PDE7A: variants seen among roughly 807,000 people sequenced by gnomAD.
PDE7A encodes the protein high affinity 3',5'-cyclic-AMP phosphodiesterase 7A.
In PDE7A, 39 loss-of-function variants were observed where a neutral mutation model predicts 64.3. That is an observed-to-expected ratio of 0.61 (90% confidence interval 0.47 to 0.79). The LOEUF is 0.79. PDE7A is among the 30% of genes least tolerant of loss of function. The pLI, the probability that PDE7A is intolerant of heterozygous loss-of-function variation, is 0.00. For missense variants in PDE7A, 470 were observed against 582.8 expected, an observed-to-expected ratio of 0.81 and a Z score of 1.99; for synonymous variants, 203 against 206.8, an observed-to-expected ratio of 0.98 and a Z score of 0.16.
chr8:65,795,736 C>A (rs558634025), intron 1 of PDE7A, among the ~76,000 whole-genome samples: 1 of 152,096 alleles, frequency 6.6e-6, no homozygotes, highest in East Asian at 1.9e-4. Flanking sequence ...AAACTGCCTA[C>A]CAGAACAGAA....
chr8:65,778,385 A>G (rs1407830271), intron 3 of PDE7A, among the ~76,000 whole-genome samples: 1 of 152,188 alleles, frequency 6.6e-6, no homozygotes, highest in Non-Finnish European at 1.5e-5. Context: ...GCCATCTTGG[A>G]GGTTCCAGCC....
chr8:65,817,229 GCCTC>G (rs1377985333), intron 1 of PDE7A, among the ~76,000 whole-genome samples: 1 of 151,958 alleles, frequency 6.6e-6, no homozygotes, highest in Admixed American at 6.5e-5. Flanking sequence ...TCCTATATAT[GCCTC>G]CCTAATGTCA....
chr8:65,841,468 C>G lies in PDE7A; in HGVS notation c.41G>C (p.Arg14Thr). ...CYQLPVLPLD[R>T]PVPQHVLSRR... The stretch of plus-strand genomic sequence containing the variant: ...GCTGAGGACGTGCTGGGGGACCGGC[C>G]TGTCCAGGGGCAGTACCGGCAGCTG... Residue 14 changes from arginine to threonine, a missense_variant, in exon 1 of 13, where the codon AGG (arginine) becomes ACG (threonine). Physicochemically the swap from Arg to Thr is moderately conservative, Grantham distance 71. Transcript: ENST00000401827. 6.4e-7 allele frequency: 1 copy of G among 1,562,634 alleles called. No individual in the cohort carries two copies. The highest frequency in any genetic ancestry group is 8.6e-7 in the Non-Finnish European group (1 of 1,159,388).
chr8:65,727,826 C>G (rs1413983755), intron 7 of PDE7A: 1 of 152,242 alleles, frequency 6.6e-6, no homozygotes, highest in East Asian at 1.9e-4. Flanking sequence ...TATGTCAAGT[C>G]TGTGATAAAA....
At chr8:65,743,209 A>G (rs139455548) in intron 5 of PDE7A, among the ~76,000 whole-genome samples, 2 of 152,302 alleles carry the variant, frequency 1.3e-5, no homozygotes, top group East Asian at 3.9e-4. Context: ...AATACCTAAA[A>G]TAATATTTGT....
chr8:65,725,002 C>T (rs1175039418), intron 9 of PDE7A, 81 bp from the exon 10 acceptor site: 38 of 864,922 alleles, frequency 4.4e-5, no homozygotes, highest in South Asian at 3.7e-4. Flanking sequence ...CCATAATAAT[C>T]GGAAGGCTTT....
chr8:65,773,891 G>A (rs1809183175), intron 3 of PDE7A, among the ~76,000 whole-genome samples: 1 of 152,158 alleles, frequency 6.6e-6, no homozygotes, highest in Non-Finnish European at 1.5e-5. Context: ...TTCAGTGAAT[G>A]TTAGGGGGTA....
intron 1 of PDE7A, among the ~76,000 whole-genome samples, chr8:65,831,334 A>G (rs1056999395): frequency 5.3e-5 from 8 of 152,294 alleles, no homozygotes; most frequent in African/African-American, 1.9e-4. Flanking sequence ...AGAAGAAAGA[A>G]AAACAAACCT....
chr8:65,819,298 G>A (rs1810483793), intron 1 of PDE7A, among the ~76,000 whole-genome samples: 1 of 152,224 alleles, frequency 6.6e-6, no homozygotes, highest in African/African-American at 2.4e-5. Flanking sequence ...CTCTGAGGCT[G>A]AGGAGGGAGG....
chr8:65,768,273 T>A (rs959716718), intron 3 of PDE7A, among the ~76,000 whole-genome samples: 4 of 152,210 alleles, frequency 2.6e-5, no homozygotes, highest in Non-Finnish European at 5.9e-5. Flanking sequence ...GCCACTAGTA[T>A]AATTCTGATA....
intron 1 of PDE7A, among the ~76,000 whole-genome samples, chr8:65,791,117 T>C (rs1241167968): frequency 1.3e-5 from 2 of 152,232 alleles, no homozygotes; most frequent in Admixed American, 6.5e-5. Context: ...ATGGCTATTT[T>C]TGGTACAATA....
chr8:65,827,880 T>C (rs78779700), intron 1 of PDE7A, among the ~76,000 whole-genome samples: 9,629 of 152,248 alleles, frequency 0.063, 386 homozygotes, highest in Middle Eastern at 0.11. Context: ...GTATCCTCAT[T>C]GTTAAGCGAC....
intron 3 of PDE7A, among the ~76,000 whole-genome samples, chr8:65,765,382 G>A (rs1244453744): frequency 6.1e-5 from 9 of 148,118 alleles, no homozygotes; most frequent in Admixed American, 2.7e-4. Flanking sequence ...CCAGCTACTC[G>A]GGAGGCTGAG....
At chr8:65,733,630 A>C (rs183980659) in intron 7 of PDE7A, among the ~76,000 whole-genome samples, 1 of 152,148 alleles carries the variant, frequency 6.6e-6, no homozygotes, top group Non-Finnish European at 1.5e-5. Context: ...TAGAGAAAAA[A>C]AAACAGTTGG....
chr8:65,833,691 C>T (rs7463008), intron 1 of PDE7A, among the ~76,000 whole-genome samples: 1 of 152,118 alleles, frequency 6.6e-6, no homozygotes, highest in East Asian at 1.9e-4. Context: ...GGGCCAGGCA[C>T]GGTGGCTCAT....
At chr8:65,799,467 G>T (rs1466701457) in intron 1 of PDE7A, among the ~76,000 whole-genome samples, 1 of 152,092 alleles carries the variant, frequency 6.6e-6, no homozygotes, top group Non-Finnish European at 1.5e-5. Context: ...AAATACTCTA[G>T]GTCCCAGAGT....
At chr8:65,724,167 C>T (rs1438320391) in intron 11 of PDE7A, 88 bp downstream of exon 11, 3 of 765,198 alleles carry the variant, frequency 3.9e-6, no homozygotes, top group South Asian at 1.5e-5. Flanking sequence ...ACTGCTAGAC[C>T]CATATAAATT....
intron 1 of PDE7A, among the ~76,000 whole-genome samples, chr8:65,824,326 T>G (rs1462103577): frequency 6.6e-6 from 1 of 152,202 alleles, no homozygotes; most frequent in Non-Finnish European, 1.5e-5. Flanking sequence ...TTCTTACTGA[T>G]GAGCAAAGAA....
At chr8:65,828,959 C>G (rs1810744140) in intron 1 of PDE7A, among the ~76,000 whole-genome samples, 1 of 152,010 alleles carries the variant, frequency 6.6e-6, no homozygotes, top group Admixed American at 6.6e-5. Flanking sequence ...ACTGAGTAGT[C>G]TTTACATTCT....
Sources: gnomAD v4.1 joint callset for allele counts (sites outside exome capture counted in the v4.1 genomes callset) on GRCh38, gnomAD v4.1.1 for gene constraint, MANE v1.5 for transcripts, NCBI Gene and HGNC (gene_info 2026-07-23, HGNC 2026-07-21) for gene names.